The following AFG2A variants were observed in gnomAD, a reference collection of about 807,000 sequenced individuals.
The protein encoded by AFG2A is AAA ATPase AFG2A, also known as ATPase family gene 2 protein homolog A.
the AFG2A span, among the ~76,000 whole-genome samples, chr4:123,290,959 A>T: frequency 1.3e-5 from 2 of 152,106 alleles, no homozygotes; most frequent in African/African-American, 4.8e-5. Flanking sequence ...CATTTGTTTT[A>T]TGAATCTGGG....
the AFG2A span, among the ~76,000 whole-genome samples, chr4:123,183,699 T>A: frequency 6.6e-6 from 1 of 151,884 alleles, no homozygotes; most frequent in South Asian, 2.1e-4. Flanking sequence ...AAAGAAAGAG[T>A]ATAAAATTTT....
At chr4:123,105,681 A>T in the AFG2A span, among the ~76,000 whole-genome samples, 2 of 152,322 alleles carry the variant, frequency 1.3e-5, no homozygotes, top group South Asian at 2.1e-4. Context: ...GAGGGCTTCA[A>T]GACATCAGTG....
At chr4:123,163,279 C>CA in the AFG2A span, among the ~76,000 whole-genome samples, 7 of 152,098 alleles carry the variant, frequency 4.6e-5, no homozygotes, top group East Asian at 7.7e-4. Flanking sequence ...ACTAAAAATA[C>CA]AAAAAAATTA....
At chr4:123,286,248 A>G in the AFG2A span, among the ~76,000 whole-genome samples, 1 of 152,208 alleles carries the variant, frequency 6.6e-6, no homozygotes, top group African/African-American at 2.4e-5. Context: ...ATCAAACATT[A>G]TCACACTAAA....
chr4:123,282,351 C>T, the AFG2A span, among the ~76,000 whole-genome samples: 1 of 152,158 alleles, frequency 6.6e-6, no homozygotes, highest in Non-Finnish European at 1.5e-5. Flanking sequence ...GTCACTTTCA[C>T]GTGGATAGTT....
At chr4:123,180,128 G>A in the AFG2A span, among the ~76,000 whole-genome samples, 9 of 152,186 alleles carry the variant, frequency 5.9e-5, no homozygotes, top group Admixed American at 1.3e-4. Flanking sequence ...AGTGAGGCAC[G>A]AGAATCGCTC....
At chr4:123,072,677 A>G in the AFG2A span, among the ~76,000 whole-genome samples, 1 of 152,182 alleles carries the variant, frequency 6.6e-6, no homozygotes, top group South Asian at 2.1e-4. Flanking sequence ...AATTTTAAAC[A>G]CTAGGGAAAA....
the AFG2A span, chr4:123,256,132 T>A: frequency 6.2e-7 from 1 of 1,614,116 alleles, no homozygotes; most frequent in Admixed American, 1.7e-5. Context: ...GTAATGAAGT[T>A]GACCTGGATG....
chr4:123,282,955 G>A, the AFG2A span, among the ~76,000 whole-genome samples: 110,704 of 151,928 alleles, frequency 0.73, 41,398 homozygotes, highest in Non-Finnish European at 0.81. Context: ...CTTCTGTATC[G>A]GAACACTTAA....
At chr4:123,114,872 G>T in the AFG2A span, among the ~76,000 whole-genome samples, 1 of 152,244 alleles carries the variant, frequency 6.6e-6, no homozygotes, top group African/African-American at 2.4e-5. Flanking sequence ...ATGCTCCCAG[G>T]GCTAGTCCTG....
At chr4:123,111,776 G>A in the AFG2A span, among the ~76,000 whole-genome samples, 15,969 of 151,700 alleles carry the variant, frequency 0.11, 945 homozygotes, top group Middle Eastern at 0.2. Context: ...TCACCCTGTC[G>A]CCCAGGATGG....
the AFG2A span, among the ~76,000 whole-genome samples, chr4:123,259,368 C>A: frequency 1.2e-4 from 18 of 152,164 alleles, no homozygotes; most frequent in Non-Finnish European, 2.4e-4. Flanking sequence ...CTTTTGTAAG[C>A]CTCAGGAGGC....
chr4:122,961,488 T>G, the AFG2A span, among the ~76,000 whole-genome samples: 130 of 152,326 alleles, frequency 8.5e-4, 1 homozygote, highest in African/African-American at 2.9e-3. Flanking sequence ...GGCTTGTTTT[T>G]GGGTAGCCTC....
the AFG2A span, among the ~76,000 whole-genome samples, chr4:123,176,274 C>G: frequency 1.3e-5 from 2 of 152,206 alleles, no homozygotes; most frequent in South Asian, 4.2e-4. Context: ...AGAGTGGCCT[C>G]GTCTAATGTT....
the AFG2A span, among the ~76,000 whole-genome samples, chr4:123,309,884 ACTT>A: frequency 5.9e-5 from 9 of 152,340 alleles, no homozygotes; most frequent in African/African-American, 2.2e-4. Context: ...ACCATGGAAT[ACTT>A]CTCCTGAACA....
the AFG2A span, among the ~76,000 whole-genome samples, chr4:123,309,291 C>T: frequency 6.6e-6 from 1 of 152,090 alleles, no homozygotes; most frequent in Non-Finnish European, 1.5e-5. Flanking sequence ...ACTGGGAAGT[C>T]CAGGATCAAG....
chr4:122,928,533 G>A, the AFG2A span, among the ~76,000 whole-genome samples: 1 of 152,102 alleles, frequency 6.6e-6, no homozygotes. Context: ...TTAGAAGAGA[G>A]GACTATAAAT....
At chr4:123,083,716 T>A in the AFG2A span, among the ~76,000 whole-genome samples, 1 of 151,992 alleles carries the variant, frequency 6.6e-6, no homozygotes, top group Non-Finnish European at 1.5e-5. Flanking sequence ...TAGATTTGAT[T>A]TGGTAAGATT....
chr4:122,938,240 C>A, the AFG2A span: 1 of 1,597,206 alleles, frequency 6.3e-7, no homozygotes, highest in Non-Finnish European at 8.5e-7. Flanking sequence ...TGATGGATGG[C>A]ATTGGTTCAG....
Sources: allele counts gnomAD v4.1 joint callset (sites outside exome capture counted in the v4.1 genomes callset), GRCh38; gene constraint gnomAD v4.1.1; transcripts MANE v1.5; gene names NCBI Gene and HGNC (gene_info 2026-07-23, HGNC 2026-07-21).